The following NDST4 variants were observed in gnomAD, a reference collection of about 807,000 sequenced individuals.
The protein encoded by NDST4 is N-heparan sulfate sulfotransferase 4.
A neutral mutation model predicts 100.8 loss-of-function variants in NDST4; 63 were observed. The ratio of observed to expected loss-of-function variants is 0.62; its 90% CI spans 0.51 to 0.77. NDST4 has a LOEUF of 0.77. Ranked by LOEUF, NDST4 falls within the 30% of genes least tolerant of loss-of-function variation. The pLI, the probability that NDST4 is intolerant of heterozygous loss-of-function variation, is 0.00. For missense variants in NDST4, 943 were observed against 1,018.4 expected, an observed-to-expected ratio of 0.93 and a Z score of 1.01; for synonymous variants, 377 against 361.8, an observed-to-expected ratio of 1.04 and a Z score of -0.48.
chr4:114,978,691 T>A (rs1442573228), intron 2 of NDST4, among the ~76,000 whole-genome samples: 1 of 151,652 alleles, frequency 6.6e-6, no homozygotes, highest in African/African-American at 2.4e-5. Context: ...CCTTAGTGAG[T>A]TCCCTTTTCT....
At chr4:114,975,996 T>C (rs1726625747) in intron 3 of NDST4, among the ~76,000 whole-genome samples, 1 of 152,112 alleles carries the variant, frequency 6.6e-6, no homozygotes, top group Admixed American at 6.6e-5. Flanking sequence ...ATCATTTGAT[T>C]TATCAACTCG....
chr4:114,845,758 A>AT, intron 10 of NDST4, 65 bp downstream of exon 10: 1 of 1,442,262 alleles, frequency 6.9e-7, no homozygotes, highest in Non-Finnish European at 9.5e-7. Flanking sequence ...TATTCTGGTT[A>AT]TTTTTCATTG....
At chr4:115,073,452 G>T (rs962905335) in intron 2 of NDST4, among the ~76,000 whole-genome samples, 1 of 151,696 alleles carries the variant, frequency 6.6e-6, no homozygotes, top group Non-Finnish European at 1.5e-5. Context: ...AAGAAAATGG[G>T]GTACATATAC....
At chr4:115,048,859 G>T (rs1728521386) in intron 2 of NDST4, among the ~76,000 whole-genome samples, 1 of 151,434 alleles carries the variant, frequency 6.6e-6, no homozygotes, top group South Asian at 2.1e-4. Flanking sequence ...GGCTGGTCTT[G>T]AACTCCTGCC....
At chr4:115,111,202 C>G (rs532462249) in intron 1 of NDST4, among the ~76,000 whole-genome samples, 1 of 152,016 alleles carries the variant, frequency 6.6e-6, no homozygotes, top group African/African-American at 2.4e-5. Context: ...AACTGTTCTA[C>G]TGGGTTGGAA....
rs531618418 is a variant in NDST4, at chr4:115,073,816, A to G, written c.978+2243T>C. 3.9e-5 allele frequency among the ~76,000 whole-genome samples: 6 copies of G among 152,122 alleles called. No individual in the cohort carries two copies. In the East Asian group the frequency reaches 1.2e-3, roughly 29 times the overall value. ...TTTTAAGTGTTTTCACCAAAAAATGATAAGTATCTGGGATAATTAATTCCT... is the reference window on the plus strand; with the variant it reads ...TTTTAAGTGTTTTCACCAAAAAATGGTAAGTATCTGGGATAATTAATTCCT... On this transcript the variant is annotated intron_variant, in intron 2 of 13. Coordinates refer to ENST00000264363, the MANE Select transcript of NDST4 (RefSeq NM_022569.3).
At chr4:115,017,198 A>T (rs1204815820) in intron 2 of NDST4, among the ~76,000 whole-genome samples, 1 of 152,090 alleles carries the variant, frequency 6.6e-6, no homozygotes, top group Non-Finnish European at 1.5e-5. Flanking sequence ...TCTAAGTATT[A>T]TTAGGAAAGA....
chr4:115,020,250 C>G (rs1727781591), intron 2 of NDST4, among the ~76,000 whole-genome samples: 1 of 151,910 alleles, frequency 6.6e-6, no homozygotes, highest in East Asian at 1.9e-4. Context: ...ACTGTGAAGT[C>G]CAATCAAAGT....
intron 1 of NDST4, among the ~76,000 whole-genome samples, chr4:115,102,519 A>C (rs944147287): frequency 6.6e-6 from 1 of 152,090 alleles, no homozygotes; most frequent in Non-Finnish European, 1.5e-5. Context: ...TTCAGAAGTT[A>C]CATTAATATC....
chr4:114,861,992 G>GTA (rs1486625028), intron 7 of NDST4, among the ~76,000 whole-genome samples: 1 of 152,032 alleles, frequency 6.6e-6, no homozygotes, highest in African/African-American at 2.4e-5. Flanking sequence ...ATATATATAA[G>GTA]TATAGTTATA....
chr4:114,959,727 A>T (rs868803655), intron 4 of NDST4, among the ~76,000 whole-genome samples: 6 of 152,104 alleles, frequency 3.9e-5, no homozygotes, highest in Middle Eastern at 3.2e-3. Context: ...TTATGAGATT[A>T]TGCAACTAAA....
intron 2 of NDST4, among the ~76,000 whole-genome samples, chr4:115,073,191 A>T (rs1327048814): frequency 6.6e-6 from 1 of 152,044 alleles, no homozygotes; most frequent in African/African-American, 2.4e-5. Flanking sequence ...GATGTGGAGA[A>T]GGGGGAACCC....
intron 3 of NDST4, among the ~76,000 whole-genome samples, chr4:114,976,948 GCTTT>G (rs991414478): frequency 6.7e-6 from 1 of 149,292 alleles, no homozygotes; most frequent in African/African-American, 2.6e-5. Flanking sequence ...CAGTGGTTAT[GCTTT>G]CTATTTTTTA....
At chr4:114,995,006 GATT>G (rs1727129222) in intron 2 of NDST4, among the ~76,000 whole-genome samples, 1 of 151,952 alleles carries the variant, frequency 6.6e-6, no homozygotes, top group East Asian at 1.9e-4. Flanking sequence ...CAATATTATA[GATT>G]ATTGAACTTG....
At chr4:115,031,332 C>T (rs1230191430) in intron 2 of NDST4, among the ~76,000 whole-genome samples, 1 of 151,970 alleles carries the variant, frequency 6.6e-6, no homozygotes, top group South Asian at 2.1e-4. Flanking sequence ...AGGAATAATG[C>T]CTGGCTTGAG....
chr4:114,847,875 G>T (rs762778473), intron 9 of NDST4, among the ~76,000 whole-genome samples: 2 of 152,044 alleles, frequency 1.3e-5, no homozygotes, highest in Admixed American at 1.3e-4. Context: ...ACATTGTTGC[G>T]AAGACAAATT....
chr4:114,975,188 T>C (rs1411038583), intron 3 of NDST4, among the ~76,000 whole-genome samples: 1 of 152,124 alleles, frequency 6.6e-6, no homozygotes, highest in Non-Finnish European at 1.5e-5. Context: ...AGTGCATTAA[T>C]AAGTATTCAT....
At chr4:114,841,005 G>A (rs1238337692) in intron 10 of NDST4, among the ~76,000 whole-genome samples, 1 of 152,136 alleles carries the variant, frequency 6.6e-6, no homozygotes, top group Non-Finnish European at 1.5e-5. Context: ...TTAGTAAAAT[G>A]TGTAGAAATT....
intron 2 of NDST4, among the ~76,000 whole-genome samples, chr4:115,027,271 T>G (rs1030960552): frequency 6.6e-6 from 1 of 152,168 alleles, no homozygotes; most frequent in African/African-American, 2.4e-5. Context: ...TGAACAGGAC[T>G]TCATACCGTC....
Sources: allele counts gnomAD v4.1 joint callset (sites outside exome capture counted in the v4.1 genomes callset), GRCh38; gene constraint gnomAD v4.1.1; transcripts MANE v1.5; gene names NCBI Gene and HGNC (gene_info 2026-07-23, HGNC 2026-07-21).